Variants in SLC4A10 observed in about 807,000 individuals in gnomAD.
SLC4A10 encodes solute carrier family 4 member 10, also known as sodium-driven chloride bicarbonate exchanger.
Under a neutral mutation model 137.7 loss-of-function variants are expected in SLC4A10, and 42 were observed. The ratio of observed to expected loss-of-function variants is 0.30; its 90% CI spans 0.24 to 0.39. The LOEUF (loss-of-function observed/expected upper bound fraction) is 0.39, where lower values mean the gene tolerates loss of function less well. Among genes scored for constraint, SLC4A10 ranks in the 10% least tolerant of loss-of-function variants. SLC4A10 has a pLI of 1.00. For synonymous variants in SLC4A10, 474 were observed against 464.1 expected (o/e 1.02, Z -0.27); for missense variants, 925 against 1,355.0 (o/e 0.68, Z 4.98).
At chr2:161,799,907 T>C (rs1255578596) in intron 2 of SLC4A10, among the ~76,000 whole-genome samples, 4 of 152,008 alleles carry the variant, frequency 2.6e-5, no homozygotes, top group Non-Finnish European at 4.4e-5. Flanking sequence ...ATATAAACTC[T>C]TTATATAGTA....
intron 1 of SLC4A10, among the ~76,000 whole-genome samples, chr2:161,661,277 C>G (rs2038355127): frequency 6.6e-6 from 1 of 152,134 alleles, no homozygotes; most frequent in Non-Finnish European, 1.5e-5. Context: ...GATCGAGAGA[C>G]TATCCTGGCC....
intron 15 of SLC4A10, among the ~76,000 whole-genome samples, chr2:161,909,384 G>A (rs1156721115): frequency 6.6e-6 from 1 of 152,190 alleles, no homozygotes; most frequent in Non-Finnish European, 1.5e-5. Flanking sequence ...TTTCAAGGCT[G>A]AACATGAATG....
chr2:161,966,534 G>C (rs768409825), intron 23 of SLC4A10, among the ~76,000 whole-genome samples: 1 of 151,838 alleles, frequency 6.6e-6, no homozygotes, highest in Non-Finnish European at 1.5e-5. Flanking sequence ...GGCAGATCAC[G>C]AGATCAGGAG....
In SLC4A10 at chr2:161,905,641, G is replaced by A; in HGVS notation, c.1752-1G>A. On this transcript the variant is annotated splice_acceptor_variant, in intron 14 of 26. Coordinates refer to ENST00000446997, the MANE Select transcript of SLC4A10 (RefSeq NM_001178015.2). LOFTEE classifies it high-confidence loss of function. ...CTGTTCTTTCCTTTTCCTCCTCCCA[G>A]AGAATATGGGCTGTCATACCTATCT... 6.3e-7 allele frequency: 1 copy of A among 1,586,578 alleles called. No homozygotes were observed. The highest frequency in any genetic ancestry group is 8.6e-7 in the Non-Finnish European group (1 of 1,167,442).
intron 12 of SLC4A10, among the ~76,000 whole-genome samples, chr2:161,903,472 T>TTTTG (rs983632487): frequency 6.6e-6 from 1 of 152,096 alleles, no homozygotes; most frequent in Non-Finnish European, 1.5e-5. Flanking sequence ...GGTGAGGGAT[T>TTTTG]TTTGTTTGTT....
At chr2:161,959,801 A>G (rs542408126) in intron 21 of SLC4A10, among the ~76,000 whole-genome samples, 3 of 152,306 alleles carry the variant, frequency 2.0e-5, no homozygotes, top group East Asian at 3.9e-4. Context: ...AAGAGTATCA[A>G]AGAATTTGTA....
chr2:161,771,538 G>C (rs919507117), intron 2 of SLC4A10, among the ~76,000 whole-genome samples: 1 of 151,790 alleles, frequency 6.6e-6, no homozygotes, highest in Non-Finnish European at 1.5e-5. Flanking sequence ...TTAACTGTAT[G>C]GGTTCTGAAA....
intron 6 of SLC4A10, among the ~76,000 whole-genome samples, chr2:161,867,807 T>C (rs1365138311): frequency 6.6e-6 from 1 of 152,012 alleles, no homozygotes; most frequent in Non-Finnish European, 1.5e-5. Flanking sequence ...TTGTTACACA[T>C]GTATGTAACT....
At chr2:161,663,390 C>T (rs751132589) in intron 1 of SLC4A10, among the ~76,000 whole-genome samples, 18 of 152,036 alleles carry the variant, frequency 1.2e-4, no homozygotes, top group Non-Finnish European at 2.4e-4. Context: ...ATATTCTCTA[C>T]ACAATTATTT....
intron 6 of SLC4A10, among the ~76,000 whole-genome samples, chr2:161,867,235 TC>T (rs1179228671): frequency 1.3e-5 from 2 of 151,986 alleles, no homozygotes; most frequent in African/African-American, 4.8e-5. Flanking sequence ...TGTAGTTACT[TC>T]TTTTACAAAT....
In SLC4A10 at chr2:161,905,632, C is replaced by T; in HGVS notation, c.1752-10C>T. On this transcript the variant is annotated splice_polypyrimidine_tract_variant and intron_variant, in intron 14 of 26. Transcript: ENST00000446997. ...TTCTTTTCACTGTTCTTTCCTTTTCCTCCTCCCAGAGAATATGGGCTGTCA... is the reference window on the plus strand; with the variant it reads ...TTCTTTTCACTGTTCTTTCCTTTTCTTCCTCCCAGAGAATATGGGCTGTCA... 1 of 1,571,910 alleles carries T rather than the reference C, an allele frequency of 6.4e-7. No homozygotes were observed. Among genetic ancestry groups the T allele is most frequent in the East Asian group, 2.3e-5 (1 of 44,082 alleles).
At chr2:161,868,418 C>A (rs1046878662) in intron 6 of SLC4A10, among the ~76,000 whole-genome samples, 1 of 151,568 alleles carries the variant, frequency 6.6e-6, no homozygotes, top group Non-Finnish European at 1.5e-5. Flanking sequence ...CTTCATTTTT[C>A]TAGTTAGTAT....
At chr2:161,927,125 G>A (rs1317141620) in intron 15 of SLC4A10, among the ~76,000 whole-genome samples, 1 of 152,176 alleles carries the variant, frequency 6.6e-6, no homozygotes, top group Non-Finnish European at 1.5e-5. Context: ...GATTGGGGAA[G>A]TTCTCCTGGA....
At chr2:161,813,731 G>C (rs1212242967) in intron 3 of SLC4A10, among the ~76,000 whole-genome samples, 1 of 152,046 alleles carries the variant, frequency 6.6e-6, no homozygotes, top group Non-Finnish European at 1.5e-5. Flanking sequence ...AGTATTTCAT[G>C]AGCAAATAAA....
At chr2:161,640,619 T>C (rs1558923385) in intron 1 of SLC4A10, among the ~76,000 whole-genome samples, 1 of 140,558 alleles carries the variant, frequency 7.1e-6, no homozygotes, top group Non-Finnish European at 1.5e-5. Context: ...CTTCCTTCCT[T>C]CCTTCCTTCC....
In SLC4A10 at chr2:161,921,516, C is replaced by A. The variant is rs190129060; in HGVS notation, c.1997+15629C>A. ...TGAGACAATGGTAATGGGAAGAAAG[C>A]AAAAAAACTAAAAATGGAAAAAATG... On this transcript the variant is annotated intron_variant, in intron 15 of 26. Transcript: ENST00000446997. Among the ~76,000 whole-genome samples, 6 of 151,956 alleles carry A rather than the reference C, an allele frequency of 3.9e-5. No homozygotes were observed. The East Asian group carries it at 1.2e-3, about 29-fold the overall frequency.
chr2:161,777,737 C>T (rs1472519720), intron 2 of SLC4A10, among the ~76,000 whole-genome samples: 2 of 151,956 alleles, frequency 1.3e-5, no homozygotes, highest in African/African-American at 4.8e-5. Flanking sequence ...CCCCATGATT[C>T]AGTCATCTTC....
intron 15 of SLC4A10, among the ~76,000 whole-genome samples, chr2:161,918,303 G>A (rs1300484800): frequency 5.3e-5 from 8 of 151,930 alleles, no homozygotes; most frequent in African/African-American, 1.9e-4. Context: ...TTATAGTCAT[G>A]CACCACCACA....
intron 21 of SLC4A10, among the ~76,000 whole-genome samples, chr2:161,959,054 G>A (rs953740762): frequency 6.6e-6 from 1 of 152,004 alleles, no homozygotes; most frequent in Non-Finnish European, 1.5e-5. Flanking sequence ...AAGTAACATG[G>A]CAAAAATGCT....
Sources: gnomAD v4.1 joint callset for allele counts (sites outside exome capture counted in the v4.1 genomes callset) on GRCh38, gnomAD v4.1.1 for gene constraint, MANE v1.5 for transcripts, NCBI Gene and HGNC (gene_info 2026-07-23, HGNC 2026-07-21) for gene names.